AKAP4: variants seen among roughly 807,000 people sequenced by gnomAD.
AKAP4 encodes A-kinase anchor protein 4.
A neutral mutation model predicts 42.6 loss-of-function variants in AKAP4; 4 were observed. The observed-to-expected ratio is 0.09, with a 90% CI of 0.05 to 0.22. The LOEUF (loss-of-function observed/expected upper bound fraction) is 0.22, where lower values mean the gene tolerates loss of function less well. AKAP4 is among the 10% of genes least tolerant of loss of function. The pLI is 1.00. For missense variants in AKAP4, 551 were observed against 630.7 expected, an observed-to-expected ratio of 0.87 and a Z score of 1.35; for synonymous variants, 223 against 233.0, an observed-to-expected ratio of 0.96 and a Z score of 0.39.
chrX:50,198,385 G>C (rs1935217394), intron 2 of AKAP4, among the ~76,000 whole-genome samples: 1 of 109,529 alleles, frequency 9.1e-6, no homozygotes, highest in Admixed American at 9.8e-5. Context: ...TTAACTAATA[G>C]AGGCTGGTTG....
At position 50,198,517 on chromosome X, in the gene AKAP4, G is replaced by C. The variant is rs1182437228; in HGVS notation, c.123+140C>G. 30 of 434,784 alleles carry C rather than the reference G, an allele frequency of 6.9e-5. No individual in the cohort carries two copies. In the Admixed American group the frequency reaches 1.0e-3, roughly 14 times the overall value. 35.8% of individuals were successfully genotyped at this position (434,784 alleles called of 1,213,427 possible). A position where few individuals can be genotyped will look rare whatever the true frequency, so the allele number is the denominator to read the frequency against. On this transcript the variant is annotated intron_variant, in intron 2 of 5. Coordinates refer to ENST00000358526, the MANE Select transcript of AKAP4 (RefSeq NM_003886.3). ...CTCTGTGTGATGTATGAGCATGCTGGCCCCTGACAGACCTTGTTGAGCTTG... is the reference window on the plus strand; with the variant it reads ...CTCTGTGTGATGTATGAGCATGCTGCCCCCTGACAGACCTTGTTGAGCTTG...
In AKAP4 at chrX:50,190,893, TG is replaced by T. The variant is rs1935097795; in HGVS notation, c.*66del. 1.7e-6 allele frequency: 2 copies of T among 1,167,632 alleles called. No individual in the cohort carries two copies. Among genetic ancestry groups the T allele is most frequent in the African/African-American group, 3.5e-5 (2 of 56,897 alleles). ...ATTGTGCAGTTGACTGGCCTGATGG[TG>T]GGGGTGCTCTGGCTGGGATGGAATG... On this transcript the variant is annotated 3_prime_UTR_variant, in exon 6 of 6. Transcript: ENST00000358526.
At chrX:50,197,434 C>T (rs1478762871) in intron 3 of AKAP4, 110 bp downstream of exon 3, 11 of 660,467 alleles carry the variant, frequency 1.7e-5, no homozygotes, top group Middle Eastern at 3.1e-4. Flanking sequence ...CCCCTGAGTC[C>T]CCTCCTCCTT....
At position 50,192,754 on chromosome X, in the gene AKAP4, G is replaced by T. The variant is rs782159385; in HGVS notation, c.1959C>A (p.Asn653Lys). 3 of 1,210,389 alleles carry T rather than the reference G, an allele frequency of 2.5e-6. No individual in the cohort carries two copies. The highest frequency in any genetic ancestry group is 3.5e-5 in the African/African-American group (2 of 57,306). Residue 653 changes from asparagine to lysine, a missense_variant, in exon 5 of 6, where the codon AAC becomes AAA. Coordinates refer to ENST00000358526, the MANE Select transcript of AKAP4 (RefSeq NM_003886.3). Reference sequence around the variant, plus strand: ...TGCTTGCCCTGGGCTCAGAACACTTGTTCTCACCTTCGCATGGATCCTCAC... The same window carrying T: ...TGCTTGCCCTGGGCTCAGAACACTTTTTCTCACCTTCGCATGGATCCTCAC... ...FKCEDPCEGE[N>K]KCSEPRASKA...
In AKAP4 at chrX:50,193,294, T is replaced by C. The variant is rs367661119; in HGVS notation, c.1419A>G (p.Glu473=). The C allele has an allele frequency of 8.3e-7, 1 of 1,209,832 alleles. No individual in the cohort carries two copies. Among genetic ancestry groups the C allele is most frequent in the Non-Finnish European group, 1.1e-6 (1 of 895,300 alleles). ...TTTTGCCTTTGTCCCTCTCTTTCAT[T>C]TCAGCTTTCATGGTGGAGAATTCAA... ...QSLEFSTMKA[E]MKERDKGKMK... Residue 473 remains glutamate (E), a synonymous_variant, in exon 5 of 6, where the codon GAA becomes GAG. Transcript: ENST00000358526.
chrX:50,191,570 T>C (rs1177456728), intron 5 of AKAP4, among the ~76,000 whole-genome samples: 6 of 109,340 alleles, frequency 5.5e-5, no homozygotes, highest in Non-Finnish European at 1.1e-4. Context: ...TTGTTAAGTA[T>C]TTGATGTTTC....
In AKAP4 at chrX:50,193,932, T is replaced by C. The variant is rs782654706; in HGVS notation, c.781A>G (p.Ile261Val). 8.3e-7 allele frequency: 1 copy of C among 1,211,989 alleles called. No homozygotes were observed. Among genetic ancestry groups the C allele is most frequent in the Non-Finnish European group, 1.1e-6 (1 of 895,549 alleles). The change falls in exon 5 of 6, where the codon ATC (isoleucine) becomes GTC (valine). Residue 261 changes from isoleucine (I) to valine (V), a missense_variant. By Grantham distance (29) the Ile-to-Val change is conservative. Transcript: ENST00000358526. ...TTGCTCGCAGGAGTTCGGGGACTGA[T>C]TCTCTCTTTGTTCCCAGGGGATGGA... is the stretch of plus-strand genomic sequence containing the variant. ...ICPSPGNKER[I>V]SPRTPASKIA...
chrX:50,199,977 C>A lies in AKAP4; in HGVS notation c.27+886G>T, dbSNP rs1195912440. Among the ~76,000 whole-genome samples the A allele has an allele frequency of 3.0e-5, 3 of 100,050 alleles. No homozygotes were observed. The East Asian group carries it at 9.5e-4, about 32-fold the overall frequency. 86.9% of individuals were successfully genotyped at this position (100,050 alleles called of 115,157 possible). ...TCCTTTCACATGATAATACTACATT[C>A]CTGCTCTTTACCATCCCTGCCTCCA... On this transcript the variant is annotated intron_variant, in intron 1 of 5. Transcript: ENST00000358526.
chrX:50,194,094 A>G lies in AKAP4; in HGVS notation c.619T>C (p.Ser207Pro). The G allele has an allele frequency of 8.3e-7, 1 of 1,211,408 alleles. No homozygotes were observed. The highest frequency in any genetic ancestry group is 1.1e-6 in the Non-Finnish European group (1 of 895,292). ...TCTATAGAACATTCTCCATCAGGGG[A>G]AATGACTGCTCTCTGAGTGCTAGGA... ...KPPSTQRAVI[S>P]PDGECSIDDL... The change falls in exon 5 of 6, where the codon TCC (serine) becomes CCC (proline). Residue 207 changes from serine to proline, a missense_variant. Ser to Pro is a moderately conservative substitution (Grantham distance 74). Coordinates refer to ENST00000358526, the MANE Select transcript of AKAP4 (RefSeq NM_003886.3).
At chrX:50,197,641 G>A in intron 2 of AKAP4, 47 bp from the exon 3 acceptor site, 1 of 1,095,671 alleles carries the variant, frequency 9.1e-7, no homozygotes, top group South Asian at 1.9e-5. Context: ...TAGAGAAAGG[G>A]GCATAATTTC....
chrX:50,200,442 C>T (rs1460833777), intron 1 of AKAP4: 4 of 702,412 alleles, frequency 5.7e-6, no homozygotes, highest in Admixed American at 8.6e-5. Context: ...GGTCACAATG[C>T]CTGAACTGTC....
rs183185534 is a variant in AKAP4 at position 50,199,234 on chromosome X, A to G, written c.28-482T>C. The stretch of plus-strand genomic sequence containing the variant: ...CTTTCCCATTACACTAAAGAAAGTG[A>G]AATTAGATAAATAGCTATAACACAT... On this transcript the variant is annotated intron_variant, in intron 1 of 5. Coordinates refer to ENST00000358526, the MANE Select transcript of AKAP4 (RefSeq NM_003886.3). Among the ~76,000 whole-genome samples the G allele has an allele frequency of 9.8e-5, 11 of 111,787 alleles. No homozygotes were observed. The East Asian group carries it at 3.1e-3, about 31-fold the overall frequency.
At chrX:50,195,797 T>C (rs948740603) in intron 4 of AKAP4, among the ~76,000 whole-genome samples, 1 of 111,701 alleles carries the variant, frequency 9.0e-6, no homozygotes, top group South Asian at 3.8e-4. Flanking sequence ...GTGTGTATCA[T>C]TTTGTATAAA....
At chrX:50,198,566 C>T in intron 2 of AKAP4, 91 bp downstream of exon 2, 1 of 651,303 alleles carries the variant, frequency 1.5e-6, no homozygotes, top group Non-Finnish European at 2.4e-6. Flanking sequence ...GTCAGGGTAT[C>T]ATCGTCCATT....
At chrX:50,200,593 T>G in intron 1 of AKAP4, among the ~76,000 whole-genome samples, 1 of 112,498 alleles carries the variant, frequency 8.9e-6, no homozygotes, top group East Asian at 2.8e-4. Context: ...TTTCTCTGGC[T>G]CACAGTCCAT....
At position 50,194,011 on chromosome X, in the gene AKAP4, C is replaced by T; in HGVS notation, c.702G>A (p.Lys234=). 1 of 1,211,464 alleles carries T rather than the reference C, an allele frequency of 8.3e-7. No individual in the cohort carries two copies. The highest frequency in any genetic ancestry group is 1.1e-6 in the Non-Finnish European group (1 of 895,465). The change falls in exon 5 of 6, where the codon AAG becomes AAA. Residue 234 remains lysine (K), a synonymous_variant. Coordinates refer to ENST00000358526, the MANE Select transcript of AKAP4 (RefSeq NM_003886.3). ...TACCTTCCAACTTCTCCTTGATTTC[C>T]TTATGGGCCATCTGGATTACCAGAG... is the stretch of plus-strand genomic sequence containing the variant. The part of the protein sequence containing the change: ...LSSLVIQMAH[K]EIKEKLEGKS...
At chrX:50,196,675 C>T (rs782167165) in intron 4 of AKAP4, among the ~76,000 whole-genome samples, 161 of 111,758 alleles carry the variant, frequency 1.4e-3, no homozygotes, top group Middle Eastern at 4.6e-3. Flanking sequence ...CAGGAGAGGG[C>T]ATTCTGAGCC....
At chrX:50,196,079 A>G (rs1239166401) in intron 4 of AKAP4, among the ~76,000 whole-genome samples, 1 of 112,295 alleles carries the variant, frequency 8.9e-6, no homozygotes, top group African/African-American at 3.2e-5. Flanking sequence ...GGTATAATTT[A>G]TCCCTTTCTT....
Position 50,198,740 on chromosome X carries a change from T to C in AKAP4, c.40A>G (p.Ile14Val). Residue 14 changes from isoleucine (I) to valine (V), a missense_variant, in exon 2 of 6, where the codon ATT becomes GTT. Ile to Val is a conservative substitution (Grantham distance 29). Transcript: ENST00000358526. Reference sequence around the variant, plus strand: ...CCCCTGTGGCTGCGTAACCAGTCAATATCATCAGACATCTGGAAAGAGAAA... The same window carrying C: ...CCCCTGTGGCTGCGTAACCAGTCAACATCATCAGACATCTGGAAAGAGAAA... ...YSDTTMMSDDIDWLRSHRGVC... is the reference protein window; with the variant it reads ...YSDTTMMSDDVDWLRSHRGVC... 4 of 1,203,300 alleles carry C rather than the reference T, an allele frequency of 3.3e-6. No homozygotes were observed. Among genetic ancestry groups the C allele is most frequent in the Non-Finnish European group, 3.4e-6 (3 of 889,060 alleles).
Sources: gnomAD v4.1 joint callset for allele counts (sites outside exome capture counted in the v4.1 genomes callset) on GRCh38, gnomAD v4.1.1 for gene constraint, MANE v1.5 for transcripts, NCBI Gene and HGNC (gene_info 2026-07-23, HGNC 2026-07-21) for gene names.